Variants in MECR observed in about 807,000 individuals in gnomAD.
MECR encodes enoyl-[acyl-carrier-protein] reductase, mitochondrial.
A neutral mutation model predicts 49.1 loss-of-function variants in MECR; 37 were observed. That is an observed-to-expected ratio of 0.75 (90% CI 0.58 to 0.99). The LOEUF (loss-of-function observed/expected upper bound fraction) is 0.99. MECR is among the 50% of genes least tolerant of loss of function. The pLI is 0.00. For missense variants in MECR, 470 were observed against 479.6 expected (o/e 0.98, Z 0.19); for synonymous variants, 198 against 191.1 (o/e 1.04, Z -0.30).
At chr1:29,171,259 C>A in the MECR span, 3 of 151,712 alleles carry the variant, frequency 2.0e-5, no homozygotes, top group Non-Finnish European at 4.4e-5. Context: ...TTGGCAGTAA[C>A]TTGTCAGCTT....
intron 1 of MECR, among the ~76,000 whole-genome samples, chr1:29,219,453 C>T (rs1680243324): frequency 6.6e-6 from 1 of 152,050 alleles, no homozygotes; most frequent in Non-Finnish European, 1.5e-5. Context: ...CTTCAAGGCC[C>T]AGTTCAAAGT....
intron 1 of MECR, chr1:29,223,836 G>A (rs1428697097): frequency 3.3e-5 from 5 of 152,132 alleles, no homozygotes; most frequent in Non-Finnish European, 7.3e-5. Flanking sequence ...TAAGGGCCTG[G>A]CTCCCAGGGA....
Position 29,225,336 on chromosome 1 carries a change from C to T in MECR, c.176+5395G>A, listed in dbSNP as rs539666390. Among the ~76,000 whole-genome samples the T allele has an allele frequency of 2.6e-5, 4 of 152,166 alleles. No individual in the cohort carries two copies. In the South Asian group the frequency reaches 8.3e-4, roughly 32 times the overall value. On this transcript the variant is annotated intron_variant, in intron 1 of 9. Coordinates refer to ENST00000263702, the MANE Select transcript of MECR (RefSeq NM_016011.5). ...GCAGGTTCCTCTGCTTGGGACATTT[C>T]CCCACTTTCTCTCCTCATACACTGC... is the stretch of plus-strand genomic sequence containing the variant.
the MECR span, among the ~76,000 whole-genome samples, chr1:29,178,124 C>T: frequency 6.6e-6 from 1 of 151,284 alleles, no homozygotes; most frequent in Admixed American, 6.6e-5. Context: ...GGTCTCAAAC[C>T]CCTGACTTCA....
chr1:29,172,729 G>T, the MECR span: 27 of 152,272 alleles, frequency 1.8e-4, no homozygotes, highest in African/African-American at 5.8e-4. Flanking sequence ...ACTTGAATAT[G>T]TTCACTCCTG....
At chr1:29,212,054 T>A (rs887193370) in intron 3 of MECR, among the ~76,000 whole-genome samples, 2 of 152,242 alleles carry the variant, frequency 1.3e-5, no homozygotes, top group Admixed American at 6.5e-5. Context: ...GTTTACTGAA[T>A]ACACTGAGTT....
intron 1 of MECR, among the ~76,000 whole-genome samples, chr1:29,227,142 T>G (rs1293115571): frequency 6.6e-6 from 1 of 151,962 alleles, no homozygotes; most frequent in South Asian, 2.1e-4. Flanking sequence ...TTTTGTATTT[T>G]TAGTAGAGAC....
intron 3 of MECR, among the ~76,000 whole-genome samples, chr1:29,212,734 C>T (rs1678329050): frequency 6.6e-6 from 1 of 152,152 alleles, no homozygotes; most frequent in South Asian, 2.1e-4. Flanking sequence ...AGACCATTCT[C>T]TGCATTGCAC....
the MECR span, chr1:29,181,579 C>G: frequency 7.3e-7 from 1 of 1,363,520 alleles, no homozygotes; most frequent in East Asian, 2.8e-5. Context: ...CTCTCCCGTC[C>G]CCGCGGCCTC....
In MECR at chr1:29,193,847, G is replaced by T; in HGVS notation, c.*175C>A. The T allele has an allele frequency of 1.4e-6, 1 of 699,328 alleles. No individual in the cohort carries two copies. Among genetic ancestry groups the T allele is most frequent in the Non-Finnish European group, 2.3e-6 (1 of 425,590 alleles). 43.3% of individuals were successfully genotyped at this position (699,328 alleles called of 1,614,324 possible). ...GGAAGGGAGAGTTCAGACTTTATTA[G>T]ATACCTTAAGGCTGGCCCTGGGGAA... On this transcript the variant is annotated 3_prime_UTR_variant, in exon 10 of 10. Coordinates refer to ENST00000263702, the MANE Select transcript of MECR (RefSeq NM_016011.5).
the MECR span, among the ~76,000 whole-genome samples, chr1:29,180,292 A>C: frequency 3.6e-4 from 55 of 152,338 alleles, no homozygotes; most frequent in Non-Finnish European, 6.3e-4. Flanking sequence ...GTATGTATAC[A>C]ATAACGTCTA....
chr1:29,185,313 A>G, the MECR span, among the ~76,000 whole-genome samples: 1 of 152,076 alleles, frequency 6.6e-6, no homozygotes, highest in Non-Finnish European at 1.5e-5. Flanking sequence ...CAGTGGCATG[A>G]TCTTGGCTCA....
chr1:29,203,301 C>A, intron 4 of MECR, 68 bp from the exon 5 acceptor site: 1 of 1,292,676 alleles, frequency 7.7e-7, no homozygotes, highest in East Asian at 2.6e-5. Flanking sequence ...GGCTCCCAGC[C>A]GGGGATCCTT....
the MECR span, chr1:29,168,492 A>C: frequency 6.6e-6 from 1 of 152,296 alleles, no homozygotes; most frequent in East Asian, 1.9e-4. Flanking sequence ...CTAGAGAAAA[A>C]AGAAATTGAC....
chr1:29,223,243 G>A (rs1330779248), intron 1 of MECR: 3 of 985,272 alleles, frequency 3.0e-6, no homozygotes, highest in African/African-American at 1.7e-5. Context: ...TGGCTCCTTT[G>A]AGGCCAAGGC....
Position 29,195,968 on chromosome 1 carries a change from A to T in MECR, c.937T>A (p.Ser313Thr), listed in dbSNP as rs771143604. 4 of 1,614,030 alleles carry T rather than the reference A, an allele frequency of 2.5e-6. No individual in the cohort carries two copies. The Admixed American group carries it at 6.7e-5, about 27-fold the overall frequency. The change falls in exon 9 of 10, where the codon TCC (serine) becomes ACC (threonine). Residue 313 changes from serine (S) to threonine (T), a missense_variant. Coordinates refer to ENST00000263702, the MANE Select transcript of MECR (RefSeq NM_016011.5). Reference sequence around the variant, plus strand: ...GGACTGTGATCCTTCTTCCACTGGGACAACCAAAAGCCTCGAAGTTTGAGA... The same window carrying T: ...GGACTGTGATCCTTCTTCCACTGGGTCAACCAAAAGCCTCGAAGTTTGAGA... ...KDLKLRGFWL[S>T]QWKKDHSPDQ...
Position 29,197,082 on chromosome 1 carries a change from T to A in MECR, c.831-824A>T, listed in dbSNP as rs193215260. 9.1e-4 allele frequency among the ~76,000 whole-genome samples: 138 copies of A among 152,284 alleles called. 1 individual carries two copies. Among genetic ancestry groups the A allele is most frequent in the Middle Eastern group, 3.4e-3 (1 of 294 alleles). ...ATGAATCAGGAGACGAGAATGTATA[T>A]TAAACACACACACACACCCGCTCTG... On this transcript the variant is annotated intron_variant, in intron 7 of 9. Transcript: ENST00000263702.
intron 8 of MECR, 50 bp downstream of exon 8, chr1:29,196,148 T>C (rs1673924399): frequency 1.2e-6 from 2 of 1,608,788 alleles, no homozygotes; most frequent in Admixed American, 1.7e-5. Flanking sequence ...GTGGCCTGGC[T>C]GAGGTGTCTG....
At chr1:29,225,325 T>C (rs1379997497) in intron 1 of MECR, among the ~76,000 whole-genome samples, 1 of 152,058 alleles carries the variant, frequency 6.6e-6, no homozygotes, top group African/African-American at 2.4e-5. Context: ...GTTCCTCTGC[T>C]TGGGACATTT....
Sources: allele counts gnomAD v4.1 joint callset (sites outside exome capture counted in the v4.1 genomes callset), GRCh38; gene constraint gnomAD v4.1.1; transcripts MANE v1.5; gene names NCBI Gene and HGNC (gene_info 2026-07-23, HGNC 2026-07-21).